ELAPOR1: variants seen among roughly 807,000 people sequenced by gnomAD.
ELAPOR1 encodes the protein endosome/lysosome-associated apoptosis and autophagy regulator 1.
In ELAPOR1, 77 loss-of-function variants were observed where a neutral mutation model predicts 119.7. That is an observed-to-expected ratio of 0.64 (90% CI 0.54 to 0.78). The LOEUF is 0.78. ELAPOR1 is among the 30% of genes least tolerant of loss of function. The probability of loss-of-function intolerance (pLI) is 0.00; values close to 1 mark genes in which losing one functional copy is unlikely to be tolerated. For synonymous variants in ELAPOR1, 481 were observed against 487.2 expected (o/e 0.99, Z 0.17); for missense variants, 1,115 against 1,270.4 (o/e 0.88, Z 1.86).
chr1:109,161,015 A>G (rs1651213342), intron 1 of ELAPOR1, among the ~76,000 whole-genome samples: 2 of 152,228 alleles, frequency 1.3e-5, no homozygotes, highest in African/African-American at 4.8e-5. Flanking sequence ...TTAGGGATGA[A>G]CAGGCTCAAG....
chr1:109,197,839 C>A, intron 16 of ELAPOR1, 140 bp from the exon 17 acceptor site: 2 of 992,664 alleles, frequency 2.0e-6, no homozygotes, highest in Non-Finnish European at 3.0e-6. Context: ...CTCTGACAAA[C>A]CCTTGTTTCA....
At chr1:109,171,116 T>C (rs1651894707) in intron 3 of ELAPOR1, among the ~76,000 whole-genome samples, 1 of 152,182 alleles carries the variant, frequency 6.6e-6, no homozygotes, top group Non-Finnish European at 1.5e-5. Flanking sequence ...TGCTTCGTAA[T>C]ACTGGGCTTG....
In ELAPOR1 at chr1:109,191,727, G is replaced by T. The variant is rs41279690; in HGVS notation, c.1547G>T (p.Gly516Val). Residue 516 changes from glycine (G) to valine (V), a missense_variant and splice_region_variant, in exon 13 of 22, where the codon GGT becomes GTT. Physicochemically the swap from Gly to Val is moderately radical, Grantham distance 109 (BLOSUM62 -3). Transcript: ENST00000369939. ...TTCACTTGTCTGTCCTGGGTTCAGG[G>T]TGTGAATTCTAGGACCAACACTCCT... ...SVNCELYFMV[G>V]VNSRTNTPVE... is the part of the protein sequence containing the mutation. 1 of 1,614,222 alleles carries T rather than the reference G, an allele frequency of 6.2e-7. No homozygotes were observed. Among genetic ancestry groups the T allele is most frequent in the Admixed American group, 1.7e-5 (1 of 60,036 alleles).
chr1:109,127,215 CTTTTTT>C (rs371961969), intron 1 of ELAPOR1, among the ~76,000 whole-genome samples: 1 of 129,042 alleles, frequency 7.7e-6, no homozygotes. Flanking sequence ...TTTTTCTTTT[CTTTTTT>C]TTTTTTTTTT....
At chr1:109,126,392 A>G (rs1343843957) in intron 1 of ELAPOR1, among the ~76,000 whole-genome samples, 1 of 152,230 alleles carries the variant, frequency 6.6e-6, no homozygotes, top group Non-Finnish European at 1.5e-5. Flanking sequence ...CTTAAAAAAC[A>G]AAGCAAGCAA....
intron 1 of ELAPOR1, among the ~76,000 whole-genome samples, chr1:109,157,703 C>T (rs1252182422): frequency 6.6e-6 from 1 of 152,094 alleles, no homozygotes; most frequent in Non-Finnish European, 1.5e-5. Flanking sequence ...TCTAATTTGC[C>T]TATTTACTTA....
intron 1 of ELAPOR1, among the ~76,000 whole-genome samples, chr1:109,156,973 C>T (rs2101030515): frequency 6.6e-6 from 1 of 152,352 alleles, no homozygotes; most frequent in Middle Eastern, 3.4e-3. Flanking sequence ...GGGGTGGACA[C>T]TGGGCAGGCA....
chr1:109,187,932 T>A, intron 8 of ELAPOR1: 1 of 1,253,372 alleles, frequency 8.0e-7, no homozygotes, highest in Non-Finnish European at 1.0e-6. Flanking sequence ...AAGTCTTCAT[T>A]AGAGCTATTC....
intron 9 of ELAPOR1, among the ~76,000 whole-genome samples, chr1:109,188,666 A>G (rs1653228134): frequency 1.3e-5 from 2 of 152,210 alleles, no homozygotes; most frequent in Non-Finnish European, 2.9e-5. Flanking sequence ...CTAGGCTTAC[A>G]GGGCTGGGAT....
intron 1 of ELAPOR1, among the ~76,000 whole-genome samples, chr1:109,157,460 C>G (rs1419106600): frequency 6.6e-6 from 1 of 152,164 alleles, no homozygotes; most frequent in Non-Finnish European, 1.5e-5. Context: ...AAGGCACTCC[C>G]TCTCTGGGCA....
rs1169320634 is a variant in ELAPOR1 at position 109,204,659 on chromosome 1, T to A, written c.*1647T>A. On this transcript the variant is annotated 3_prime_UTR_variant, in exon 22 of 22. Transcript: ENST00000369939. ...TGTCTGCTTCTAAGCTTAACGCATC[T>A]GCTCAGGCACAGAATAAACGTCTAG... 6.6e-6 allele frequency: 1 copy of A among 152,318 alleles called. No homozygotes were observed. Among genetic ancestry groups the A allele is most frequent in the Non-Finnish European group, 1.5e-5 (1 of 68,082 alleles). The allele number at this position is 152,318 out of a possible 1,614,324, so 9.4% of individuals were successfully genotyped here. A position where few individuals can be genotyped will look rare whatever the true frequency, so the allele number is the denominator to read the frequency against.
chr1:109,123,804 T>C (rs945030431), intron 1 of ELAPOR1, among the ~76,000 whole-genome samples: 22 of 152,204 alleles, frequency 1.4e-4, no homozygotes, highest in African/African-American at 5.3e-4. Context: ...GATATAAATA[T>C]ATACTTTTTT....
chr1:109,198,767 GAA>G (rs1192583199), intron 18 of ELAPOR1, 93 bp downstream of exon 18: 2 of 1,169,232 alleles, frequency 1.7e-6, no homozygotes, highest in African/African-American at 1.5e-5. Context: ...GAGCAAAAAA[GAA>G]AAGAGTTTGA....
chr1:109,140,414 G>A (rs929515815), intron 1 of ELAPOR1, among the ~76,000 whole-genome samples: 1 of 152,174 alleles, frequency 6.6e-6, no homozygotes, highest in Non-Finnish European at 1.5e-5. Flanking sequence ...GAAGGCCCTC[G>A]TAAACCTTAC....
rs1351521018 is a variant in ELAPOR1 at position 109,194,474 on chromosome 1, G to A, written c.2001G>A (p.Arg667=). 2.5e-6 allele frequency: 4 copies of A among 1,613,738 alleles called. No homozygotes were observed. The highest frequency in any genetic ancestry group is 3.3e-4 in the Middle Eastern group (2 of 6,062). ...CCTTCTCACGCAACACTCCGACCAG[G>A]ACTTTCAACTACAACTTCTCCGCTT... The part of the protein sequence containing the change: ...DCTFSRNTPT[R]TFNYNFSALA... Residue 667 remains arginine (R), a synonymous_variant, in exon 15 of 22, where the codon AGG becomes AGA. Coordinates refer to ENST00000369939, the MANE Select transcript of ELAPOR1 (RefSeq NM_020775.5).
At chr1:109,173,200 G>A (rs557335897) in intron 5 of ELAPOR1, among the ~76,000 whole-genome samples, 15 of 152,088 alleles carry the variant, frequency 9.9e-5, no homozygotes, top group Admixed American at 2.0e-4. Context: ...CCTGTTGTCA[G>A]GACCCTCAGG....
intron 8 of ELAPOR1, chr1:109,186,402 T>C (rs930657794): frequency 1.5e-6 from 1 of 681,182 alleles, no homozygotes; most frequent in Non-Finnish European, 1.8e-6. Flanking sequence ...CTAAGCATGA[T>C]GCTTGGCTCT....
At chr1:109,192,293 T>C (rs987370425) in intron 13 of ELAPOR1, among the ~76,000 whole-genome samples, 4 of 152,236 alleles carry the variant, frequency 2.6e-5, no homozygotes, top group Non-Finnish European at 4.4e-5. Context: ...TCCTATACAC[T>C]GTTTGTTTCT....
chr1:109,157,597 T>A (rs1397329771), intron 1 of ELAPOR1, among the ~76,000 whole-genome samples: 3 of 152,132 alleles, frequency 2.0e-5, no homozygotes, highest in Admixed American at 2.0e-4. Context: ...GCCCAGCCCC[T>A]CTATGATGCA....
Sources: allele counts gnomAD v4.1 joint callset (sites outside exome capture counted in the v4.1 genomes callset), GRCh38; gene constraint gnomAD v4.1.1; transcripts MANE v1.5; gene names NCBI Gene and HGNC (gene_info 2026-07-23, HGNC 2026-07-21).